Variants in MBOAT1 observed in about 807,000 individuals in gnomAD.
MBOAT1 encodes membrane bound glycerophospholipid O-acyltransferase 1, also known as membrane-bound glycerophospholipid O-acyltransferase 1.
MBOAT1 carries 67 observed loss-of-function variants against 64.4 expected under a neutral mutation model. The ratio of observed to expected loss-of-function variants is 1.04; its 90% confidence interval spans 0.85 to 1.27. The LOEUF (loss-of-function observed/expected upper bound fraction) is 1.27. Ranked by LOEUF, MBOAT1 falls within the 50% of genes most tolerant of loss-of-function variation. MBOAT1 has a pLI of 0.00. For synonymous variants in MBOAT1, 229 were observed against 218.9 expected (o/e 1.05, Z -0.41); for missense variants, 563 against 604.6 (o/e 0.93, Z 0.72).
intron 4 of MBOAT1, among the ~76,000 whole-genome samples, chr6:20,137,775 T>C (rs1761042041): frequency 6.6e-6 from 1 of 151,962 alleles, no homozygotes; most frequent in African/African-American, 2.4e-5. Context: ...CCTCATCCCA[T>C]CCCATCCAAT....
At chr6:20,123,793 A>G (rs1205891845) in intron 8 of MBOAT1, among the ~76,000 whole-genome samples, 2 of 152,186 alleles carry the variant, frequency 1.3e-5, no homozygotes, top group Non-Finnish European at 2.9e-5. Context: ...GTGGTGGCTC[A>G]CACCTGTAAT....
intron 12 of MBOAT1, 62 bp from the exon 13 acceptor site, chr6:20,102,474 T>A: frequency 7.2e-7 from 1 of 1,389,092 alleles, no homozygotes; most frequent in Non-Finnish European, 1.0e-6. Flanking sequence ...AAACACCACC[T>A]AATTATATCA....
At chr6:20,203,077 G>T (rs796642286) in intron 1 of MBOAT1, among the ~76,000 whole-genome samples, 9 of 152,330 alleles carry the variant, frequency 5.9e-5, no homozygotes, top group South Asian at 2.1e-4. Flanking sequence ...GCCAAGGCAG[G>T]AGGATCACTT....
intron 6 of MBOAT1, among the ~76,000 whole-genome samples, chr6:20,128,171 T>C (rs892296263): frequency 6.6e-6 from 1 of 151,922 alleles, no homozygotes; most frequent in African/African-American, 2.4e-5. Flanking sequence ...CTCCCACTTC[T>C]TCTCCAACAC....
intron 1 of MBOAT1, among the ~76,000 whole-genome samples, chr6:20,204,125 C>A (rs1763193412): frequency 6.6e-6 from 1 of 152,150 alleles, no homozygotes; most frequent in African/African-American, 2.4e-5. Context: ...TCTTCTCTTC[C>A]TCCTAGAATA....
At chr6:20,115,259 A>C in intron 10 of MBOAT1, 29 bp downstream of exon 10, 1 of 1,573,586 alleles carries the variant, frequency 6.4e-7, no homozygotes, top group Non-Finnish European at 8.8e-7. Context: ...CAGTGCCCTA[A>C]GTAATGAGGT....
intron 3 of MBOAT1, among the ~76,000 whole-genome samples, chr6:20,148,180 G>A (rs1581423324): frequency 6.6e-6 from 1 of 152,318 alleles, no homozygotes; most frequent in East Asian, 1.9e-4. Flanking sequence ...AGCATTTTGG[G>A]AAGCCGAGGC....
chr6:20,205,153 C>G (rs1400794136), intron 1 of MBOAT1, among the ~76,000 whole-genome samples: 1 of 151,874 alleles, frequency 6.6e-6, no homozygotes, highest in Admixed American at 6.6e-5. Context: ...GTGCCATGAT[C>G]AAGCCAGTGT....
In MBOAT1 at chr6:20,101,715, C is replaced by A. The variant is rs2113617751; in HGVS notation, c.*571G>T. Among the ~76,000 whole-genome samples, 1 of 152,316 alleles carries A rather than the reference C, an allele frequency of 6.6e-6. No homozygotes were observed. Among genetic ancestry groups the A allele is most frequent in the East Asian group, 1.9e-4 (1 of 5,180 alleles). ...AGCAGCCCAGAATGGACTGTCTCTG[C>A]AGCTCTGGCACATTCTCTACACATC... On this transcript the variant is annotated 3_prime_UTR_variant, in exon 13 of 13. Transcript: ENST00000324607.
chr6:20,203,724 A>G (rs1581468807), intron 1 of MBOAT1, among the ~76,000 whole-genome samples: 1 of 152,204 alleles, frequency 6.6e-6, no homozygotes, highest in East Asian at 1.9e-4. Flanking sequence ...CCAGGCCCCA[A>G]CAGACCAGAC....
rs142928063 is a variant in MBOAT1 at position 20,157,918 on chromosome 6, G to A, written c.100-5149C>T. ...TGCCTGTAATCCCAGAACTTTGGGAGGCCAAGGCGCGCGGATCAGCTGAGG... is the reference window on the plus strand; with the variant it reads ...TGCCTGTAATCCCAGAACTTTGGGAAGCCAAGGCGCGCGGATCAGCTGAGG... On this transcript the variant is annotated intron_variant, in intron 1 of 12. Coordinates refer to ENST00000324607, the MANE Select transcript of MBOAT1 (RefSeq NM_001080480.3). Among the ~76,000 whole-genome samples, 368 of 152,206 alleles carry A rather than the reference G, an allele frequency of 2.4e-3. 5 individuals are homozygous for A. Among genetic ancestry groups the A allele is most frequent in the African/African-American group, 8.3e-3 (344 of 41,526 alleles).
chr6:20,147,187 G>A (rs1761350035), intron 3 of MBOAT1, among the ~76,000 whole-genome samples: 2 of 152,228 alleles, frequency 1.3e-5, no homozygotes, highest in South Asian at 4.1e-4. Context: ...ACTTCTTTTT[G>A]TATATAAATT....
chr6:20,207,521 T>C (rs1763298400), intron 1 of MBOAT1, among the ~76,000 whole-genome samples: 1 of 152,190 alleles, frequency 6.6e-6, no homozygotes, highest in Non-Finnish European at 1.5e-5. Context: ...GCCCACTGCC[T>C]GTTTCTGTGT....
chr6:20,129,786 G>A (rs897833307), intron 5 of MBOAT1, among the ~76,000 whole-genome samples: 2 of 152,196 alleles, frequency 1.3e-5, no homozygotes, highest in Non-Finnish European at 2.9e-5. Context: ...AGTTGCTAAT[G>A]TCTATAACCA....
chr6:20,136,354 G>A (rs73732812), intron 4 of MBOAT1, among the ~76,000 whole-genome samples: 3,162 of 152,098 alleles, frequency 0.021, 123 homozygotes, highest in African/African-American at 0.072. Context: ...ACCAATTCTC[G>A]ATTTGAATAT....
intron 1 of MBOAT1, among the ~76,000 whole-genome samples, chr6:20,206,660 A>T (rs1394099283): frequency 4.0e-5 from 6 of 151,720 alleles, no homozygotes; most frequent in Non-Finnish European, 8.8e-5. Flanking sequence ...ACCTCTGGTG[A>T]CTCCTCCATA....
intron 4 of MBOAT1, among the ~76,000 whole-genome samples, chr6:20,135,739 A>G (rs547689083): frequency 6.6e-6 from 1 of 152,326 alleles, no homozygotes; most frequent in East Asian, 1.9e-4. Flanking sequence ...AAAAGGCTCT[A>G]CTTCGTATCT....
intron 1 of MBOAT1, among the ~76,000 whole-genome samples, chr6:20,174,768 T>A (rs1762294498): frequency 1.3e-5 from 2 of 152,220 alleles, no homozygotes; most frequent in Admixed American, 1.3e-4. Flanking sequence ...AAAACGTTGT[T>A]ATGTAGTACA....
At chr6:20,114,997 C>A (rs1430903864) in intron 10 of MBOAT1, among the ~76,000 whole-genome samples, 1 of 152,110 alleles carries the variant, frequency 6.6e-6, no homozygotes, top group East Asian at 1.9e-4. Context: ...TCACTTTCCT[C>A]ATCTGTAAAA....
Sources: gnomAD v4.1 joint callset for allele counts (sites outside exome capture counted in the v4.1 genomes callset) on GRCh38, gnomAD v4.1.1 for gene constraint, MANE v1.5 for transcripts, NCBI Gene and HGNC (gene_info 2026-07-23, HGNC 2026-07-21) for gene names.